The following ARL15 variants were observed in gnomAD, a reference collection of about 807,000 sequenced individuals.
ARL15 encodes the protein ARF like GTPase 15.
In ARL15, 19 loss-of-function variants were observed where a neutral mutation model predicts 25.2. The observed-to-expected ratio is 0.75, with a 90% confidence interval of 0.53 to 1.10. The LOEUF is 1.10. Among genes scored for constraint, ARL15 ranks in the 50% least tolerant of loss-of-function variants. ARL15 has a pLI of 0.00. For synonymous variants in ARL15, 94 were observed against 86.8 expected, an observed-to-expected ratio of 1.08 and a Z score of -0.46; for missense variants, 220 against 246.0, an observed-to-expected ratio of 0.89 and a Z score of 0.71.
intron 4 of ARL15, among the ~76,000 whole-genome samples, chr5:53,961,253 C>T (rs186408389): frequency 2.4e-3 from 365 of 151,774 alleles, no homozygotes; most frequent in Admixed American, 3.6e-3. Flanking sequence ...AAATTATTTC[C>T]TTGGGGGGCC....
intron 4 of ARL15, among the ~76,000 whole-genome samples, chr5:54,044,566 A>G (rs1750450106): frequency 6.6e-6 from 1 of 152,140 alleles, no homozygotes; most frequent in South Asian, 2.1e-4. Context: ...TTATTTAAAG[A>G]CACATTTTGA....
intron 4 of ARL15, among the ~76,000 whole-genome samples, chr5:54,050,307 TA>T: frequency 6.6e-6 from 1 of 152,320 alleles, no homozygotes; most frequent in African/African-American, 2.4e-5. Flanking sequence ...AGATTAGAAT[TA>T]GAGATGAAAT....
At chr5:53,921,063 C>T (rs1057066907) in intron 4 of ARL15, among the ~76,000 whole-genome samples, 1 of 152,210 alleles carries the variant, frequency 6.6e-6, no homozygotes, top group Admixed American at 6.5e-5. Context: ...CCATATTGCA[C>T]TGTGAGGTGA....
chr5:54,043,181 T>C (rs1410488412), intron 4 of ARL15, among the ~76,000 whole-genome samples: 1 of 147,742 alleles, frequency 6.8e-6, no homozygotes, highest in Non-Finnish European at 1.5e-5. Context: ...TTGCTCTTTC[T>C]CTTCTCCCAT....
chr5:54,100,002 C>A (rs185315148), intron 4 of ARL15, among the ~76,000 whole-genome samples: 1 of 152,008 alleles, frequency 6.6e-6, no homozygotes, highest in African/African-American at 2.4e-5. Flanking sequence ...TCCTGTGACC[C>A]CCCCGTAACT....
intron 1 of ARL15, among the ~76,000 whole-genome samples, chr5:54,201,190 C>G (rs1755713208): frequency 6.6e-6 from 1 of 152,040 alleles, no homozygotes; most frequent in Non-Finnish European, 1.5e-5. Context: ...TAATGAATCA[C>G]TTTTAGTTTC....
chr5:54,046,122 C>T (rs915781424), intron 4 of ARL15, among the ~76,000 whole-genome samples: 1 of 151,876 alleles, frequency 6.6e-6, no homozygotes, highest in Non-Finnish European at 1.5e-5. Flanking sequence ...GTATTAAGTC[C>T]TAGAAAGGAG....
At chr5:54,085,070 G>T (rs574440732) in intron 4 of ARL15, among the ~76,000 whole-genome samples, 1 of 152,258 alleles carries the variant, frequency 6.6e-6, no homozygotes, top group Admixed American at 6.5e-5. Context: ...ATATATCTTG[G>T]ATACTACATT....
At chr5:54,018,698 A>G (rs1330402900) in intron 4 of ARL15, among the ~76,000 whole-genome samples, 1 of 152,236 alleles carries the variant, frequency 6.6e-6, no homozygotes. Flanking sequence ...GATGCTAAAC[A>G]AAAGGAGGCA....
chr5:54,069,558 CAAAAAAAAAAAAA>C (rs34795383), intron 4 of ARL15, among the ~76,000 whole-genome samples: 30 of 48,086 alleles, frequency 6.2e-4, no homozygotes, highest in South Asian at 2.6e-3. Flanking sequence ...CAAAACGTCT[CAAAAAAAAAAAAA>C]AAAAAAAAAA....
intron 3 of ARL15, among the ~76,000 whole-genome samples, chr5:54,144,882 A>G (rs1360709554): frequency 6.6e-6 from 1 of 152,196 alleles, no homozygotes; most frequent in East Asian, 1.9e-4. Context: ...CAAGGAGAAA[A>G]GAAAAATAAA....
chr5:54,200,462 T>C (rs1283859379), intron 1 of ARL15, among the ~76,000 whole-genome samples: 2 of 151,936 alleles, frequency 1.3e-5, no homozygotes, highest in Non-Finnish European at 2.9e-5. Flanking sequence ...GCAGCCAAGA[T>C]ATGAAAACTC....
intron 3 of ARL15, among the ~76,000 whole-genome samples, chr5:54,142,451 C>T (rs1753803432): frequency 6.6e-6 from 1 of 152,076 alleles, no homozygotes; most frequent in African/African-American, 2.4e-5. Flanking sequence ...ACCTAGACGA[C>T]AGAGACAAAG....
At chr5:54,004,276 C>T (rs1435856612) in intron 4 of ARL15, among the ~76,000 whole-genome samples, 3 of 152,036 alleles carry the variant, frequency 2.0e-5, no homozygotes, top group African/African-American at 7.2e-5. Context: ...AGGCAGATCA[C>T]GAGGTCAAGA....
At chr5:54,127,442 C>T (rs1390709311) in intron 3 of ARL15, among the ~76,000 whole-genome samples, 1 of 151,430 alleles carries the variant, frequency 6.6e-6, no homozygotes, top group African/African-American at 2.4e-5. Flanking sequence ...AATAAAATAC[C>T]TAGGAATCCA....
At chr5:53,995,841 A>AG (rs11450056) in intron 4 of ARL15, among the ~76,000 whole-genome samples, 41,376 of 151,950 alleles carry the variant, frequency 0.27, 5,828 homozygotes, top group East Asian at 0.46. Context: ...CCCCTAGGCA[A>AG]AAAAGTACTT....
intron 1 of ARL15, among the ~76,000 whole-genome samples, chr5:54,230,326 C>G (rs1579932909): frequency 8.6e-6 from 1 of 116,818 alleles, no homozygotes; most frequent in South Asian, 2.8e-4. Context: ...AGCCTGGAGA[C>G]AGAGTGAGAT....
intron 4 of ARL15, among the ~76,000 whole-genome samples, chr5:54,095,088 T>C (rs1041773847): frequency 2.0e-5 from 3 of 152,112 alleles, no homozygotes; most frequent in Non-Finnish European, 2.9e-5. Context: ...TGGGCTTGCA[T>C]AGGACAGGGA....
At chr5:54,150,693 G>A (rs748180928) in intron 3 of ARL15, among the ~76,000 whole-genome samples, 2 of 152,100 alleles carry the variant, frequency 1.3e-5, no homozygotes, top group African/African-American at 2.4e-5. Flanking sequence ...AGCTACTCGG[G>A]AGGCTGAGGC....
Sources: gnomAD v4.1 joint callset for allele counts (sites outside exome capture counted in the v4.1 genomes callset) on GRCh38, gnomAD v4.1.1 for gene constraint, MANE v1.5 for transcripts, NCBI Gene and HGNC (gene_info 2026-07-23, HGNC 2026-07-21) for gene names.